Variants in PCDHGA4 observed in about 807,000 individuals in gnomAD.
PCDHGA4 encodes the protein protocadherin gamma subfamily A, 4, also known as protocadherin gamma-A4.
In PCDHGA4, 38 loss-of-function variants were observed where a neutral mutation model predicts 54.6. The ratio of observed to expected loss-of-function variants is 0.70; its 90% CI spans 0.54 to 0.91. The LOEUF (loss-of-function observed/expected upper bound fraction) is 0.91. Ranked by LOEUF, PCDHGA4 falls within the 40% of genes least tolerant of loss-of-function variation. The pLI, the probability that PCDHGA4 is intolerant of heterozygous loss-of-function variation, is 0.00. For synonymous variants in PCDHGA4, 511 were observed against 512.9 expected, an observed-to-expected ratio of 1.00 and a Z score of 0.05; for missense variants, 1,298 against 1,220.9, an observed-to-expected ratio of 1.06 and a Z score of -0.94.
rs201412037 is a variant in PCDHGA4, at chr5:141,421,093, A to G, written c.2514+63472A>G. The G allele has an allele frequency of 3.5e-5, 23 of 665,630 alleles. No homozygotes were observed. In the East Asian group the frequency reaches 6.2e-4, roughly 18 times the overall value. 41.2% of individuals were successfully genotyped at this position (665,630 alleles called of 1,614,324 possible). On this transcript the variant is annotated intron_variant, in intron 1 of 3. Coordinates refer to ENST00000571252, the MANE Select transcript of PCDHGA4 (RefSeq NM_018917.4). ...GAGATGGATACTCACAGATCCTGAC[A>G]CTGGAGACTTAGAAGTATTTTCCTT... is the stretch of plus-strand genomic sequence containing the variant.
At chr5:141,370,847 A>G (rs372882282) in intron 1 of PCDHGA4, 2 of 1,614,046 alleles carry the variant, frequency 1.2e-6, no homozygotes, top group Non-Finnish European at 1.7e-6. Flanking sequence ...CTGGAGCCAC[A>G]TTTGCCCTGG....
chr5:141,364,866 C>T (rs749361969), intron 1 of PCDHGA4: 1 of 1,614,016 alleles, frequency 6.2e-7, no homozygotes, highest in Non-Finnish European at 8.5e-7. Context: ...CTGCACTTCT[C>T]TCTGGATGTG....
In PCDHGA4 at chr5:141,489,071, CA is replaced by C; in HGVS notation, c.2515-5735del. 3.1e-6 allele frequency: 1 copy of C among 326,700 alleles called. No homozygotes were observed. Among genetic ancestry groups the C allele is most frequent in the East Asian group, 5.9e-5 (1 of 17,012 alleles). 20.2% of individuals were successfully genotyped at this position (326,700 alleles called of 1,614,324 possible). A position where few individuals can be genotyped will look rare whatever the true frequency, so the allele number is the denominator to read the frequency against. On this transcript the variant is annotated intron_variant, in intron 1 of 3. Transcript: ENST00000571252. This position sits in a 1 kb window ranked among gnomAD's most constrained non-coding sequence, Gnocchi z 4.5. Reference sequence around the variant, plus strand: ...AAATTCAGCTCCCCTCCCCCCTGCCCACCCCCGCCACTCGGTGACTAAGAAC... The same window carrying C: ...AAATTCAGCTCCCCTCCCCCCTGCCCCCCCCGCCACTCGGTGACTAAGAAC...
intron 1 of PCDHGA4, chr5:141,372,307 C>A: frequency 6.2e-7 from 1 of 1,613,452 alleles, no homozygotes; most frequent in Non-Finnish European, 8.5e-7. Flanking sequence ...AGGGAGGCCG[C>A]CCGCCAGCGC....
chr5:141,478,246 C>T (rs1305046488), intron 1 of PCDHGA4: 1 of 1,614,100 alleles, frequency 6.2e-7, no homozygotes, highest in Admixed American at 1.7e-5. Context: ...TCACAGTGTT[C>T]GGAGTAATCA....
chr5:141,405,457 TTA>T, intron 1 of PCDHGA4: 1 of 1,256,670 alleles, frequency 8.0e-7, no homozygotes, highest in Non-Finnish European at 1.1e-6. Context: ...TCTTACTCTG[TTA>T]CCCAGGCTGG....
intron 1 of PCDHGA4, among the ~76,000 whole-genome samples, chr5:141,482,053 C>G (rs2099551080): frequency 6.6e-6 from 1 of 150,558 alleles, no homozygotes; most frequent in Non-Finnish European, 1.5e-5. Flanking sequence ...CTGTTGCATT[C>G]CAGCCTGGGC....
At chr5:141,365,734 T>G (rs145748099) in intron 1 of PCDHGA4, 1 of 1,613,550 alleles carries the variant, frequency 6.2e-7, no homozygotes, top group South Asian at 1.1e-5. Flanking sequence ...ATCCCAGAGG[T>G]GTCTCTATCT....
At chr5:141,409,096 A>T (rs968537361) in intron 1 of PCDHGA4, 8 of 1,613,956 alleles carry the variant, frequency 5.0e-6, no homozygotes, top group African/African-American at 1.3e-5. Flanking sequence ...ATGAGAAAAC[A>T]GGTATGATTA....
At chr5:141,442,466 A>T (rs1270035223) in intron 1 of PCDHGA4, 1 of 152,254 alleles carries the variant, frequency 6.6e-6, no homozygotes, top group African/African-American at 2.4e-5. Flanking sequence ...TTCACTGCAG[A>T]AAGCCCCTTG....
intron 1 of PCDHGA4, among the ~76,000 whole-genome samples, chr5:141,483,553 C>G (rs955671854): frequency 2.0e-5 from 3 of 152,230 alleles, no homozygotes; most frequent in Admixed American, 2.0e-4. Context: ...CAGTGCCATT[C>G]ACAGAGACAG....
rs1456184444 is a variant in PCDHGA4, at chr5:141,512,578, C to G, written c.*1405C>G. ...ATAGACCTTCTTCTCCCACCCCCTT[C>G]TGCCCCTGGGTCCCCGGCCATCCAG... On this transcript the variant is annotated 3_prime_UTR_variant, in exon 4 of 4. Coordinates refer to ENST00000571252, the MANE Select transcript of PCDHGA4 (RefSeq NM_018917.4). The G allele has an allele frequency of 6.5e-6, 1 of 153,062 alleles. No individual in the cohort carries two copies. The highest frequency in any genetic ancestry group is 1.5e-5 in the Non-Finnish European group (1 of 68,534). 9.5% of individuals were successfully genotyped at this position (153,062 alleles called of 1,614,324 possible). A position where few individuals can be genotyped will look rare whatever the true frequency, so the allele number is the denominator to read the frequency against.
intron 1 of PCDHGA4, chr5:141,366,358 C>T (rs746214325): frequency 6.2e-7 from 1 of 1,614,016 alleles, no homozygotes; most frequent in South Asian, 1.1e-5. Context: ...CTGACCTAGG[C>T]AGTATCAAGA....
In PCDHGA4 at chr5:141,410,321, G is replaced by A. The variant is rs749017304; in HGVS notation, c.2514+52700G>A. ...AATCTCAGTGCTCTTCCTCCTCGCC[G>A]TGATTCTGGCCATTGCCTTGCGCCT... On this transcript the variant is annotated intron_variant, in intron 1 of 3. Transcript: ENST00000571252. The A allele has an allele frequency of 3.7e-6, 6 of 1,613,842 alleles. No homozygotes were observed. The East Asian group carries it at 1.1e-4, about 30-fold the overall frequency.
chr5:141,399,320 A>G, intron 1 of PCDHGA4: 3 of 1,614,010 alleles, frequency 1.9e-6, no homozygotes, highest in Non-Finnish European at 2.5e-6. Context: ...AAAAATTCGT[A>G]TAAGTTGGTA....
In PCDHGA4 at chr5:141,476,235, A is replaced by G; in HGVS notation, c.2515-18572A>G. ...GTCATTCACTATGAGATCCCGGAGG[A>G]AAGAGAGAAGGGTTTCGCTGTGGGC... is the stretch of plus-strand genomic sequence containing the variant. On this transcript the variant is annotated intron_variant, in intron 1 of 3. Coordinates refer to ENST00000571252, the MANE Select transcript of PCDHGA4 (RefSeq NM_018917.4). The surrounding 1 kb of genome is among the most constrained non-coding windows in gnomAD (Gnocchi z 7.6). 2 of 1,613,844 alleles carry G rather than the reference A, an allele frequency of 1.2e-6. No homozygotes were observed. Among genetic ancestry groups the G allele is most frequent in the Admixed American group, 1.7e-5 (1 of 59,990 alleles).
rs1163353349 is a variant in PCDHGA4, at chr5:141,489,426, G to C, written c.2515-5381G>C. 6.2e-7 allele frequency: 1 copy of C among 1,614,012 alleles called. No homozygotes were observed. The highest frequency in any genetic ancestry group is 1.3e-5 in the African/African-American group (1 of 74,922). ...TAAAGATGACAGATCTGTTGAGCCGGCGGCTGCAATTGGGCTCTGAGGAGA... is the reference window on the plus strand; with the variant it reads ...TAAAGATGACAGATCTGTTGAGCCGCCGGCTGCAATTGGGCTCTGAGGAGA... On this transcript the variant is annotated intron_variant, in intron 1 of 3. Transcript: ENST00000571252. The surrounding 1 kb of genome is among the most constrained non-coding windows in gnomAD (Gnocchi z 4.5).
chr5:141,357,682 G>T, intron 1 of PCDHGA4, 61 bp downstream of exon 1: 1 of 1,578,696 alleles, frequency 6.3e-7, no homozygotes, highest in Non-Finnish European at 8.6e-7. Context: ...TTGTGTAAAT[G>T]TCTCTCATTT....
intron 1 of PCDHGA4, among the ~76,000 whole-genome samples, chr5:141,468,824 C>A (rs1288506117): frequency 6.6e-6 from 1 of 152,010 alleles, no homozygotes; most frequent in Non-Finnish European, 1.5e-5. Flanking sequence ...CAAGATCAAG[C>A]CACTGCACTC....
Sources: gnomAD v4.1 joint callset for allele counts (sites outside exome capture counted in the v4.1 genomes callset) on GRCh38, gnomAD v4.1.1 for gene constraint, Gnocchi (gnomAD v3.1) non-coding constraint, MANE v1.5 for transcripts, NCBI Gene and HGNC (gene_info 2026-07-23, HGNC 2026-07-21) for gene names.